The following SATB1 variants were observed in gnomAD, a reference collection of about 807,000 sequenced individuals.
SATB1 encodes SATB homeobox 1, also known as DNA-binding protein SATB1.
In SATB1, 11 loss-of-function variants were observed where a neutral mutation model predicts 86.9. That is an observed-to-expected ratio of 0.13 (90% CI 0.08 to 0.21). SATB1 has a LOEUF of 0.21. Ranked by LOEUF, SATB1 falls within the 10% of genes least tolerant of loss-of-function variation. The probability of loss-of-function intolerance (pLI) is 1.00; values close to 1 mark genes in which losing one functional copy is unlikely to be tolerated. For synonymous variants in SATB1, 357 were observed against 357.2 expected, an observed-to-expected ratio of 1.00 and a Z score of 0.01; for missense variants, 551 against 937.6, an observed-to-expected ratio of 0.59 and a Z score of 5.39.
At chr3:18,383,269 C>G (rs9713376) in intron 8 of SATB1, among the ~76,000 whole-genome samples, 93,141 of 152,088 alleles carry the variant, frequency 0.61, 29,107 homozygotes, top group East Asian at 0.93. Context: ...CAGGTGGGGT[C>G]TGACTAGCCA....
chr3:18,394,639 G>C lies in SATB1; in HGVS notation c.1029C>G (p.Asn343Lys). 1 of 1,614,146 alleles carries C rather than the reference G, an allele frequency of 6.2e-7. No homozygotes were observed. Among genetic ancestry groups the C allele is most frequent in the Non-Finnish European group, 8.5e-7 (1 of 1,180,040 alleles). ...VNRLLAQQSL[N>K]QQYLNHPPPV... ...GGGGAGGGTGGTTCAAGTATTGTTG[G>C]TTTAAGGACTGCTGGGCTAAAAGTC... The change falls in exon 7 of 11, where the codon AAC becomes AAG. Residue 343 changes from asparagine (N) to lysine (K), a missense_variant. Transcript: ENST00000338745. The surrounding 1 kb of genome is among the most constrained non-coding windows in gnomAD (Gnocchi z 5.9).
chr3:18,362,667 T>A (rs1694959664), intron 9 of SATB1, among the ~76,000 whole-genome samples: 1 of 151,894 alleles, frequency 6.6e-6, no homozygotes, highest in Non-Finnish European at 1.5e-5. Flanking sequence ...AAAGAAGAAT[T>A]TATGCTAGGA....
In SATB1 at chr3:18,352,005, G is replaced by A. The variant is rs369694341; in HGVS notation, c.1766C>T (p.Ala589Val). 1.9e-6 allele frequency: 3 copies of A among 1,614,074 alleles called. No homozygotes were observed. The African/African-American group carries it at 4.0e-5, about 22-fold the overall frequency. ...AAGTAAACGAACCTGAATCTGCTCTGCTGGAACATGGATAATGTGGGGCGG... is the reference window on the plus strand; with the variant it reads ...AAGTAAACGAACCTGAATCTGCTCTACTGGAACATGGATAATGTGGGGCGG... ...DRPPHIIHVPAEQIQQQQQQQ... is the reference protein window; with the variant it reads ...DRPPHIIHVPVEQIQQQQQQQ... The change falls in exon 10 of 11, where the codon GCA becomes GTA. Residue 589 changes from alanine (A) to valine (V), a missense_variant. Physicochemically the swap from Ala to Val is moderately conservative, Grantham distance 64. Coordinates refer to ENST00000338745, the MANE Select transcript of SATB1 (RefSeq NM_002971.6). The surrounding 1 kb of genome is among the most constrained non-coding windows in gnomAD (Gnocchi z 4.1).
chr3:18,420,134 A>C (rs142315357), intron 2 of SATB1, among the ~76,000 whole-genome samples: 1 of 152,204 alleles, frequency 6.6e-6, no homozygotes. Flanking sequence ...AAACTGCATC[A>C]ATTTAATATT....
At chr3:18,432,289 T>C (rs1457301744) in intron 2 of SATB1, among the ~76,000 whole-genome samples, 2 of 152,158 alleles carry the variant, frequency 1.3e-5, no homozygotes, top group African/African-American at 4.8e-5. Flanking sequence ...TTAATTCCGG[T>C]GAAATCGAAC....
At chr3:18,381,100 T>C (rs911666214) in intron 8 of SATB1, among the ~76,000 whole-genome samples, 1 of 152,230 alleles carries the variant, frequency 6.6e-6, no homozygotes, top group African/African-American at 2.4e-5. Flanking sequence ...GAGCTTCTAC[T>C]ACTTACCCTC....
At chr3:18,398,344 G>A (rs1297971924) in intron 5 of SATB1, among the ~76,000 whole-genome samples, 2 of 152,004 alleles carry the variant, frequency 1.3e-5, no homozygotes, top group Admixed American at 6.5e-5. Context: ...CGAGTCTTAG[G>A]AGTAAGATTT....
At position 18,410,846 on chromosome 3, in the gene SATB1, T is replaced by C. The variant is rs1697799631; in HGVS notation, c.639+4265A>G. On this transcript the variant is annotated intron_variant, in intron 5 of 10. Coordinates refer to ENST00000338745, the MANE Select transcript of SATB1 (RefSeq NM_002971.6). Reference sequence around the variant, plus strand: ...TTAAAAACACATTTGTATAACATGATAGATTTGTAATTGTTGCTCCAATAT... The same window carrying C: ...TTAAAAACACATTTGTATAACATGACAGATTTGTAATTGTTGCTCCAATAT... 4 of 367,042 alleles carry C rather than the reference T, an allele frequency of 1.1e-5. No homozygotes were observed. The South Asian group carries it at 4.5e-4, about 41-fold the overall frequency. 22.7% of individuals were successfully genotyped at this position (367,042 alleles called of 1,614,324 possible). A position where few individuals can be genotyped will look rare whatever the true frequency, so the allele number is the denominator to read the frequency against.
At chr3:18,419,418 T>C (rs1379258125) in intron 2 of SATB1, among the ~76,000 whole-genome samples, 1 of 152,176 alleles carries the variant, frequency 6.6e-6, no homozygotes, top group Non-Finnish European at 1.5e-5. Flanking sequence ...GCTGAAGGTT[T>C]ATGAGCCTGT....
intron 9 of SATB1, among the ~76,000 whole-genome samples, chr3:18,366,122 C>T (rs562676982): frequency 5.1e-4 from 78 of 152,304 alleles, no homozygotes; most frequent in African/African-American, 1.8e-3. Flanking sequence ...ACAAGCAGCA[C>T]TCCTGTTGGT....
At chr3:18,350,953 G>C in intron 10 of SATB1, 1 of 304,916 alleles carries the variant, frequency 3.3e-6, no homozygotes, top group Non-Finnish European at 6.4e-6. Context: ...CTGGAAGGCA[G>C]TGGCATTTTA....
intron 8 of SATB1, among the ~76,000 whole-genome samples, chr3:18,378,665 A>C (rs1176931161): frequency 6.6e-6 from 1 of 152,186 alleles, no homozygotes. Flanking sequence ...CAATCCTAAC[A>C]AAGGAAATTC....
chr3:18,364,789 A>G (rs775626865), intron 9 of SATB1, among the ~76,000 whole-genome samples: 4 of 152,036 alleles, frequency 2.6e-5, no homozygotes, highest in Admixed American at 6.6e-5. Flanking sequence ...ACTATCTCCT[A>G]TAAGTTCTTA....
chr3:18,398,645 A>T (rs1187865265), intron 5 of SATB1, among the ~76,000 whole-genome samples: 1 of 152,198 alleles, frequency 6.6e-6, no homozygotes, highest in Non-Finnish European at 1.5e-5. Context: ...GGGATCTCTA[A>T]AGAACTTCCA....
At chr3:18,355,044 C>T (rs895249571) in intron 9 of SATB1, among the ~76,000 whole-genome samples, 15 of 151,902 alleles carry the variant, frequency 9.9e-5, no homozygotes, top group African/African-American at 2.2e-4. Flanking sequence ...AGCATGTCTC[C>T]GCTAGCCTTT....
chr3:18,432,120 G>A (rs1279843294), intron 2 of SATB1, among the ~76,000 whole-genome samples: 2 of 152,022 alleles, frequency 1.3e-5, no homozygotes, highest in African/African-American at 2.4e-5. Flanking sequence ...CTCTTTGAAG[G>A]GCTGAAAACT....
chr3:18,415,776 TAACCTGCACA>T (rs985441561), intron 4 of SATB1, among the ~76,000 whole-genome samples: 11 of 151,988 alleles, frequency 7.2e-5, no homozygotes, highest in African/African-American at 2.7e-4. Context: ...TGTCTTTTGA[TAACCTGCACA>T]AACCTACACA....
At chr3:18,370,515 C>CAAAAAA (rs11391230) in intron 9 of SATB1, among the ~76,000 whole-genome samples, 1 of 49,432 alleles carries the variant, frequency 2.0e-5, no homozygotes, top group African/African-American at 9.7e-5. Flanking sequence ...CTGAGAGAGG[C>CAAAAAA]AAAAAAAAAA....
At chr3:18,383,841 T>C (rs981801915) in intron 8 of SATB1, among the ~76,000 whole-genome samples, 1 of 152,160 alleles carries the variant, frequency 6.6e-6, no homozygotes, top group Non-Finnish European at 1.5e-5. Flanking sequence ...TAAGATTTCT[T>C]AAAATTTAAT....
Sources: allele counts gnomAD v4.1 joint callset (sites outside exome capture counted in the v4.1 genomes callset), GRCh38; gene constraint gnomAD v4.1.1; non-coding constraint Gnocchi (gnomAD v3.1); transcripts MANE v1.5; gene names NCBI Gene and HGNC (gene_info 2026-07-23, HGNC 2026-07-21).